ACTR10: variants seen among roughly 807,000 people sequenced by gnomAD.
The protein encoded by ACTR10 is actin related protein 10, also known as actin-related protein 10.
ACTR10 carries 43 observed loss-of-function variants against 56.2 expected under a neutral mutation model. That is an observed-to-expected ratio of 0.77 (90% CI 0.60 to 0.99). The LOEUF (loss-of-function observed/expected upper bound fraction) is 0.99. Among genes scored for constraint, ACTR10 ranks in the 50% least tolerant of loss-of-function variants. The probability of loss-of-function intolerance (pLI) is 0.00; values close to 1 mark genes in which losing one functional copy is unlikely to be tolerated. For synonymous variants in ACTR10, 170 were observed against 176.3 expected (o/e 0.96, Z 0.28); for missense variants, 466 against 507.8 (o/e 0.92, Z 0.79).
chr14:58,214,561 G>T (rs1889085934), intron 6 of ACTR10, among the ~76,000 whole-genome samples: 1 of 151,688 alleles, frequency 6.6e-6, no homozygotes, highest in South Asian at 2.1e-4. Context: ...CATGATCTCG[G>T]CTCACCGCAA....
chr14:58,202,783 G>A (rs1361028158), intron 1 of ACTR10, 72 bp from the exon 2 acceptor site: 1 of 1,081,214 alleles, frequency 9.2e-7, no homozygotes, highest in Non-Finnish European at 1.4e-6. Flanking sequence ...AACAAATACA[G>A]AGAAAATTAG....
chr14:58,229,735 G>A (rs1279013901), intron 10 of ACTR10, among the ~76,000 whole-genome samples: 2 of 151,072 alleles, frequency 1.3e-5, no homozygotes, highest in African/African-American at 2.4e-5. Context: ...GGAAGGTGAT[G>A]GATAAGTTAG....
intron 2 of ACTR10, among the ~76,000 whole-genome samples, chr14:58,206,294 GC>G (rs1888861399): frequency 6.6e-6 from 1 of 150,922 alleles, no homozygotes; most frequent in Admixed American, 6.6e-5. Context: ...TCCTCTCTCA[GC>G]CTCCCAAGTA....
chr14:58,213,886 T>G (rs549421741), intron 6 of ACTR10, among the ~76,000 whole-genome samples, 188 bp downstream of exon 6: 12 of 152,332 alleles, frequency 7.9e-5, no homozygotes, highest in Admixed American at 4.6e-4. Flanking sequence ...TTTTAATTTT[T>G]GGGGGTACAT....
At chr14:58,205,877 C>T (rs944941137) in intron 2 of ACTR10, among the ~76,000 whole-genome samples, 1 of 151,788 alleles carries the variant, frequency 6.6e-6, no homozygotes, top group Non-Finnish European at 1.5e-5. Flanking sequence ...CAAATATTAG[C>T]CAGGTGTAGT....
intron 1 of ACTR10, among the ~76,000 whole-genome samples, chr14:58,200,770 G>A (rs1036194881): frequency 8.5e-5 from 13 of 152,184 alleles, no homozygotes; most frequent in Admixed American, 6.5e-5. Flanking sequence ...AGGGAGACTG[G>A]GCACATTAAG....
In ACTR10 at chr14:58,234,372, G is replaced by A. The variant is rs1487844549; in HGVS notation, c.1075G>A (p.Ala359Thr). ...KANCVAWLGG[A>T]IFGALQDILG... is the part of the protein sequence containing the mutation. ...TAAAAAATATTTTTGTCACACAGGGGCTATTTTTGGAGCATTACAAGATAT... is the reference window on the plus strand; with the variant it reads ...TAAAAAATATTTTTGTCACACAGGGACTATTTTTGGAGCATTACAAGATAT... Residue 359 changes from alanine (A) to threonine (T), a missense_variant and splice_region_variant, in exon 13 of 13, where the codon GCT (alanine) becomes ACT (threonine). Coordinates refer to ENST00000254286, the MANE Select transcript of ACTR10 (RefSeq NM_018477.3). 1.3e-6 allele frequency: 2 copies of A among 1,540,330 alleles called. No homozygotes were observed. The highest frequency in any genetic ancestry group is 1.3e-5 in the South Asian group (1 of 78,104).
chr14:58,210,745 G>A (rs572797862), intron 4 of ACTR10, among the ~76,000 whole-genome samples: 1 of 151,022 alleles, frequency 6.6e-6, no homozygotes, highest in African/African-American at 2.4e-5. Context: ...CGCGATCTCG[G>A]CTCACTGCAA....
intron 5 of ACTR10, among the ~76,000 whole-genome samples, chr14:58,212,089 T>C (rs1196047888): frequency 6.6e-6 from 1 of 152,188 alleles, no homozygotes; most frequent in Non-Finnish European, 1.5e-5. Flanking sequence ...TCAGCTAAGC[T>C]TTTTACTACT....
chr14:58,232,374 C>T (rs565236666), intron 12 of ACTR10, 107 bp downstream of exon 12: 81 of 419,700 alleles, frequency 1.9e-4, no homozygotes, highest in South Asian at 1.2e-3. Flanking sequence ...GAATTGCCCA[C>T]TTTATAAATA....
In ACTR10 at chr14:58,228,116, TAAAAG is replaced by T. The variant is rs1453497411; in HGVS notation, c.789-2275_789-2271del. On this transcript the variant is annotated intron_variant, in intron 10 of 12. Transcript: ENST00000254286. ...GACCCTATCTCAAAAAATTTGAAAT[TAAAAG>T]AAAAGAAGTTCAGAGGTAGATCATC... Among the ~76,000 whole-genome samples the T allele has an allele frequency of 5.9e-5, 9 of 152,102 alleles. No homozygotes were observed. In the East Asian group the frequency reaches 9.6e-4, roughly 16 times the overall value.
intron 7 of ACTR10, among the ~76,000 whole-genome samples, chr14:58,216,438 C>T (rs570552821): frequency 6.6e-6 from 1 of 152,238 alleles, no homozygotes; most frequent in African/African-American, 2.4e-5. Flanking sequence ...CAATTTTTCA[C>T]AAAATAAATA....
intron 3 of ACTR10, among the ~76,000 whole-genome samples, chr14:58,208,558 A>G (rs1888920803): frequency 6.6e-6 from 1 of 152,052 alleles, no homozygotes; most frequent in Admixed American, 6.6e-5. Flanking sequence ...GTAACCTAAA[A>G]AAAAAGAAAA....
At chr14:58,230,340 C>A in intron 10 of ACTR10, 59 bp from the exon 11 acceptor site, 2 of 906,884 alleles carry the variant, frequency 2.2e-6, no homozygotes, top group South Asian at 1.7e-5. Flanking sequence ...ATGGTGTATT[C>A]TGTGTAATAT....
intron 7 of ACTR10, 51 bp from the exon 8 acceptor site, chr14:58,219,643 C>A: frequency 3.4e-6 from 4 of 1,187,144 alleles, no homozygotes; most frequent in Non-Finnish European, 2.3e-6. Context: ...ATTTAATAGA[C>A]TGTTTTTAAT....
At position 58,223,796 on chromosome 14, in the gene ACTR10, C is replaced by T. The variant is rs745762408; in HGVS notation, c.728C>T (p.Pro243Leu). The part of the protein sequence containing the change: ...IDGNNERPSP[P>L]PNVDYPLDGE... ...TTTATATTTCAGCGTCCCTCCCCACCCCCAAATGTTGACTATCCATTAGAT... is the reference window on the plus strand; with the variant it reads ...TTTATATTTCAGCGTCCCTCCCCACTCCCAAATGTTGACTATCCATTAGAT... Residue 243 changes from proline (P) to leucine (L), a missense_variant, in exon 10 of 13, where the codon CCC (proline) becomes CTC (leucine). Transcript: ENST00000254286. 1.2e-6 allele frequency: 2 copies of T among 1,613,090 alleles called. No homozygotes were observed. The highest frequency in any genetic ancestry group is 3.3e-5 in the Admixed American group (2 of 59,972).
chr14:58,206,018 T>G (rs1347946513), intron 2 of ACTR10, among the ~76,000 whole-genome samples: 1 of 151,364 alleles, frequency 6.6e-6, no homozygotes, highest in Non-Finnish European at 1.5e-5. Flanking sequence ...GGAGACTCCA[T>G]GTCAAAAAAA....
intron 11 of ACTR10, chr14:58,231,172 C>T (rs1312196922): frequency 4.5e-6 from 1 of 224,190 alleles, no homozygotes; most frequent in Non-Finnish European, 9.9e-6. Context: ...CCTGCCTCAG[C>T]TTCCCGAGTA....
chr14:58,221,942 G>C (rs925327710), intron 8 of ACTR10, among the ~76,000 whole-genome samples: 2 of 151,982 alleles, frequency 1.3e-5, no homozygotes, highest in African/African-American at 4.8e-5. Flanking sequence ...AGATCTCAAG[G>C]CTAGGTATTT....
Sources: gnomAD v4.1 joint callset for allele counts (sites outside exome capture counted in the v4.1 genomes callset) on GRCh38, gnomAD v4.1.1 for gene constraint, MANE v1.5 for transcripts, NCBI Gene and HGNC (gene_info 2026-07-23, HGNC 2026-07-21) for gene names.